DNAH3: variants seen among roughly 807,000 people sequenced by gnomAD.
The protein encoded by DNAH3 is axonemal beta dynein heavy chain 3.
DNAH3 carries 332 observed loss-of-function variants against 432.5 expected under a neutral mutation model. The observed-to-expected ratio is 0.77, with a 90% CI of 0.70 to 0.84. The LOEUF (loss-of-function observed/expected upper bound fraction) is 0.84, where lower values mean the gene tolerates loss of function less well. Ranked by LOEUF, DNAH3 falls within the 40% of genes least tolerant of loss-of-function variation. The pLI is 0.00. For synonymous variants in DNAH3, 1,956 were observed against 1,900.2 expected (o/e 1.03, Z -0.76); for missense variants, 4,861 against 5,114.0 (o/e 0.95, Z 1.51).
At chr16:20,988,121 T>A in intron 44 of DNAH3, 56 bp from the exon 45 acceptor site, 1 of 1,602,732 alleles carries the variant, frequency 6.2e-7, no homozygotes, top group South Asian at 1.1e-5. Flanking sequence ...TCTCACACTG[T>A]CTGTGACCCT....
chr16:21,140,646 T>C (rs2092706825), exon 5 of DNAH3: 3 of 1,614,168 alleles, frequency 1.9e-6, no homozygotes, highest in Non-Finnish European at 2.5e-6. Flanking sequence ...CCTGGGAACG[T>C]CAAAGATGTC....
At chr16:21,113,617 C>T (rs2092122322) in intron 12 of DNAH3, among the ~76,000 whole-genome samples, 1 of 152,116 alleles carries the variant, frequency 6.6e-6, no homozygotes, top group Non-Finnish European at 1.5e-5. Context: ...TGCCACCACA[C>T]CCAACTAATT....
At chr16:21,050,419 A>AT (rs1268346887) in intron 29 of DNAH3, among the ~76,000 whole-genome samples, 2 of 152,102 alleles carry the variant, frequency 1.3e-5, no homozygotes, top group Admixed American at 1.3e-4. Flanking sequence ...GTTAAAATAT[A>AT]TTTCTCCAAC....
At chr16:21,119,986 A>C (rs1360236117) in intron 11 of DNAH3, among the ~76,000 whole-genome samples, 2 of 151,888 alleles carry the variant, frequency 1.3e-5, no homozygotes. Context: ...CACTGTGCCT[A>C]GCCCCTTTAA....
chr16:20,994,769 T>C (rs949109901), intron 44 of DNAH3, among the ~76,000 whole-genome samples: 1 of 152,242 alleles, frequency 6.6e-6, no homozygotes, highest in African/African-American at 2.4e-5. Flanking sequence ...GAATGGTTTA[T>C]TTCACTTAAT....
At chr16:21,080,132 A>G (rs2091130566) in intron 20 of DNAH3, among the ~76,000 whole-genome samples, 1 of 152,110 alleles carries the variant, frequency 6.6e-6, no homozygotes, top group African/African-American at 2.4e-5. Flanking sequence ...CCCCGTCTCT[A>G]CCAAAAATAC....
chr16:21,156,139 AAG>A (rs1352651507), intron 1 of DNAH3, among the ~76,000 whole-genome samples: 12 of 152,016 alleles, frequency 7.9e-5, no homozygotes, highest in South Asian at 2.1e-4. Context: ...GAAAGAGGGT[AAG>A]AGAGCTCTCT....
chr16:21,131,917 A>G (rs1261867105), intron 7 of DNAH3, among the ~76,000 whole-genome samples: 5 of 151,974 alleles, frequency 3.3e-5, no homozygotes, highest in Non-Finnish European at 7.4e-5. Context: ...AAAAGAAAAC[A>G]GTCACAGAGG....
chr16:20,966,016 T>A (rs1204156809), intron 52 of DNAH3, among the ~76,000 whole-genome samples: 5 of 20,234 alleles, frequency 2.5e-4, no homozygotes, highest in African/African-American at 1.1e-3. Context: ...CCCAGCCAAT[T>A]TTTTTTTTTT....
intron 1 of DNAH3, among the ~76,000 whole-genome samples, chr16:21,146,836 A>G (rs547695958): frequency 7.3e-5 from 11 of 150,604 alleles, no homozygotes; most frequent in Middle Eastern, 3.4e-3. Flanking sequence ...TCTCAGCTCA[A>G]TGCAACCTCT....
chr16:21,139,319 GCTTTTTT>G (rs1336440273), intron 5 of DNAH3, among the ~76,000 whole-genome samples: 1 of 32,774 alleles, frequency 3.1e-5, no homozygotes, highest in African/African-American at 1.8e-4. Flanking sequence ...CTTTCCTCAT[GCTTTTTT>G]TTTTTTTTTT....
intron 36 of DNAH3, 35 bp downstream of exon 36, chr16:21,033,939 C>G (rs773319905): frequency 6.7e-6 from 10 of 1,501,484 alleles, no homozygotes; most frequent in Non-Finnish European, 9.3e-6. Context: ...GCGAGGAGTT[C>G]TGTCCTCCCT....
chr16:20,980,440 A>G (rs908705000), intron 49 of DNAH3, among the ~76,000 whole-genome samples: 10 of 150,330 alleles, frequency 6.7e-5, no homozygotes, highest in Non-Finnish European at 1.5e-4. Context: ...TGGCACAATC[A>G]TGGCTCACTG....
At chr16:20,984,951 A>G in intron 48 of DNAH3, 98 bp downstream of exon 48, 1 of 1,084,808 alleles carries the variant, frequency 9.2e-7, no homozygotes, top group Non-Finnish European at 1.3e-6. Flanking sequence ...GGCTGAATCA[A>G]CCCTGGGACC....
rs150583804 is a variant in DNAH3 at position 20,975,382 on chromosome 16, G to A, written c.8110C>T (p.Gln2704Ter). 1.5e-5 allele frequency: 25 copies of A among 1,614,190 alleles called. No homozygotes were observed. Among genetic ancestry groups the A allele is most frequent in the Middle Eastern group, 1.6e-4 (1 of 6,062 alleles). ...TCGGAGGTGAGGATGAGTTGAGGTTGAAGAGCTGTCAGTTCTCTTTGCATA... is the reference window on the plus strand; with the variant it reads ...TCGGAGGTGAGGATGAGTTGAGGTTAAAGAGCTGTCAGTTCTCTTTGCATA... Residue 2704 changes from glutamine to a stop codon, truncating the protein, a stop_gained, in exon 51 of 62, where the codon CAA becomes TAA. Transcript: ENST00000261383. LOFTEE classifies it high-confidence loss of function.
chr16:21,027,483 A>G (rs1377578992), intron 37 of DNAH3, among the ~76,000 whole-genome samples: 3 of 152,240 alleles, frequency 2.0e-5, no homozygotes, highest in Non-Finnish European at 2.9e-5. Flanking sequence ...CTAAGTGTGT[A>G]TTTATTTAGT....
At chr16:21,120,954 C>T (rs1195661341) in intron 10 of DNAH3, 2 of 851,746 alleles carry the variant, frequency 2.3e-6, no homozygotes, top group Admixed American at 2.0e-5. Context: ...TCTTCTCCTC[C>T]CACACACCCA....
intron 1 of DNAH3, among the ~76,000 whole-genome samples, chr16:21,155,448 CCT>C (rs1379044943): frequency 6.6e-6 from 1 of 151,526 alleles, no homozygotes; most frequent in Non-Finnish European, 1.5e-5. Context: ...ATGGTGAAAC[CCT>C]GTCTCTACTA....
At chr16:21,011,144 A>T (rs2087583516) in intron 41 of DNAH3, among the ~76,000 whole-genome samples, 1 of 152,062 alleles carries the variant, frequency 6.6e-6, no homozygotes. Context: ...CTAGCTGCAG[A>T]AGGAAAGGAA....
Sources: allele counts gnomAD v4.1 joint callset (sites outside exome capture counted in the v4.1 genomes callset), GRCh38; gene constraint gnomAD v4.1.1; transcripts MANE v1.5; gene names NCBI Gene and HGNC (gene_info 2026-07-23, HGNC 2026-07-21).